DDX10: variants seen among roughly 807,000 people sequenced by gnomAD.
The protein encoded by DDX10 is DEAD-box helicase 10.
A neutral mutation model predicts 104.3 loss-of-function variants in DDX10; 74 were observed. The observed-to-expected ratio is 0.71, with a 90% confidence interval of 0.59 to 0.86. DDX10 has a LOEUF of 0.86. Among genes scored for constraint, DDX10 ranks in the 40% least tolerant of loss-of-function variants. The pLI, the probability that DDX10 is intolerant of heterozygous loss-of-function variation, is 0.00. For synonymous variants in DDX10, 351 were observed against 353.4 expected (o/e 0.99, Z 0.08); for missense variants, 952 against 1,040.0 (o/e 0.92, Z 1.16).
intron 13 of DDX10, among the ~76,000 whole-genome samples, chr11:108,779,548 G>A (rs2094375112): frequency 6.6e-6 from 1 of 152,078 alleles, no homozygotes. Context: ...GGTGGTGGGA[G>A]GGGGAAGGAT....
chr11:108,869,690 G>C (rs1194499399), intron 16 of DDX10, among the ~76,000 whole-genome samples: 8 of 151,912 alleles, frequency 5.3e-5, no homozygotes, highest in Non-Finnish European at 7.4e-5. Context: ...AAACTTTTAT[G>C]AGTCAGTATA....
chr11:108,906,559 C>T (rs1257630903), intron 16 of DDX10, among the ~76,000 whole-genome samples: 1 of 152,190 alleles, frequency 6.6e-6, no homozygotes, highest in African/African-American at 2.4e-5. Context: ...TAAGGACACA[C>T]AACTAGCCAT....
intron 2 of DDX10, among the ~76,000 whole-genome samples, chr11:108,674,804 A>G (rs1272171690): frequency 2.6e-5 from 4 of 152,164 alleles, no homozygotes; most frequent in African/African-American, 7.2e-5. Context: ...GTGAGCCACC[A>G]CGCCTGGCCT....
intron 10 of DDX10, among the ~76,000 whole-genome samples, chr11:108,707,620 G>A (rs762097285): frequency 6.6e-5 from 10 of 152,100 alleles, no homozygotes; most frequent in Non-Finnish European, 1.3e-4. Flanking sequence ...TAACCACATT[G>A]CCATAAAGGC....
chr11:108,759,027 G>T (rs2094347683), intron 13 of DDX10, among the ~76,000 whole-genome samples: 1 of 151,908 alleles, frequency 6.6e-6, no homozygotes, highest in African/African-American at 2.4e-5. Context: ...GTTAGCTTTT[G>T]TATCTATGCT....
At chr11:108,845,822 GT>G (rs1201014100) in intron 15 of DDX10, among the ~76,000 whole-genome samples, 8 of 152,230 alleles carry the variant, frequency 5.3e-5, no homozygotes, top group African/African-American at 1.9e-4. Flanking sequence ...TATTTAATAT[GT>G]AAGTGAATTT....
At chr11:108,813,845 T>C (rs1435653026) in intron 13 of DDX10, among the ~76,000 whole-genome samples, 1 of 152,222 alleles carries the variant, frequency 6.6e-6, no homozygotes, top group East Asian at 1.9e-4. Context: ...ATTTAACCTG[T>C]CACCTTTATC....
intron 1 of DDX10, among the ~76,000 whole-genome samples, chr11:108,671,736 T>C (rs1272088419): frequency 6.6e-6 from 1 of 152,200 alleles, no homozygotes; most frequent in East Asian, 1.9e-4. Flanking sequence ...TGCTGGGCCC[T>C]ATTTTAGAAC....
chr11:108,871,132 CA>C (rs1308133085), intron 16 of DDX10, among the ~76,000 whole-genome samples: 5 of 152,050 alleles, frequency 3.3e-5, no homozygotes, highest in African/African-American at 9.7e-5. Context: ...TGTCCAAGTT[CA>C]TATGTAAACT....
At chr11:108,776,303 G>T (rs751122896) in intron 13 of DDX10, among the ~76,000 whole-genome samples, 1 of 152,108 alleles carries the variant, frequency 6.6e-6, no homozygotes, top group Non-Finnish European at 1.5e-5. Context: ...CCACTTGCAC[G>T]TGCATTTCAG....
intron 13 of DDX10, among the ~76,000 whole-genome samples, chr11:108,753,989 T>TGAATCCAA (rs1565268342): frequency 6.6e-6 from 1 of 151,996 alleles, no homozygotes; most frequent in African/African-American, 2.4e-5. Context: ...TTTAAAAAAG[T>TGAATCCAA]GAATCCAAGA....
intron 7 of DDX10, 91 bp downstream of exon 7, chr11:108,689,153 A>G: frequency 1.5e-6 from 2 of 1,362,336 alleles, no homozygotes; most frequent in Non-Finnish European, 2.1e-6. Context: ...ATTGTACGAG[A>G]AGTACAGTGC....
At chr11:108,887,959 T>TCC (rs79322968) in intron 16 of DDX10, among the ~76,000 whole-genome samples, 68,229 of 151,390 alleles carry the variant, frequency 0.45, 18,531 homozygotes, top group Non-Finnish European at 0.6. Context: ...ACAGCTTTTT[T>TCC]CCCCCCCACT....
intron 16 of DDX10, among the ~76,000 whole-genome samples, chr11:108,884,012 G>T (rs1284595800): frequency 2.0e-5 from 3 of 152,012 alleles, no homozygotes; most frequent in African/African-American, 7.2e-5. Flanking sequence ...CTTGCTCCTG[G>T]ATGATCTCAT....
Position 108,675,641 on chromosome 11 carries a change from A to G in DDX10, c.293A>G (p.Gln98Arg), listed in dbSNP as rs1404056178. ...CGTTTGGTGACTGAGATACAGAAGC[A>G]GACCATTGGATTGGCTTTGCAAGGT... Reference protein sequence around the residue: ...QYRLVTEIQKQTIGLALQGKD... With the variant: ...QYRLVTEIQKRTIGLALQGKD... The change falls in exon 3 of 18, where the codon CAG (glutamine) becomes CGG (arginine). Residue 98 changes from glutamine to arginine, a missense_variant. Coordinates refer to ENST00000322536, the MANE Select transcript of DDX10 (RefSeq NM_004398.4). 5.0e-6 allele frequency: 8 copies of G among 1,614,200 alleles called. No individual in the cohort carries two copies. Among genetic ancestry groups the G allele is most frequent in the Non-Finnish European group, 6.8e-6 (8 of 1,180,022 alleles).
chr11:108,933,611 G>C (rs554722929), intron 17 of DDX10, among the ~76,000 whole-genome samples: 2 of 152,130 alleles, frequency 1.3e-5, no homozygotes, highest in African/African-American at 4.8e-5. Flanking sequence ...GAAGTTATTG[G>C]GTACTTCTTT....
chr11:108,937,332 G>C (rs1265959874), intron 17 of DDX10, among the ~76,000 whole-genome samples: 1 of 152,100 alleles, frequency 6.6e-6, no homozygotes, highest in East Asian at 1.9e-4. Context: ...ACAAGTATCT[G>C]AAAAAATTAA....
At chr11:108,894,266 A>G (rs1863412766) in intron 16 of DDX10, among the ~76,000 whole-genome samples, 1 of 152,056 alleles carries the variant, frequency 6.6e-6, no homozygotes, top group East Asian at 1.9e-4. Flanking sequence ...TAATAGTGCA[A>G]TTGAAATACC....
At chr11:108,920,558 T>C (rs1863810271) in intron 17 of DDX10, 1 of 152,214 alleles carries the variant, frequency 6.6e-6, no homozygotes, top group Admixed American at 6.5e-5. Flanking sequence ...ACCAAGGCTT[T>C]AAAGGCTAAA....
Sources: allele counts gnomAD v4.1 joint callset (sites outside exome capture counted in the v4.1 genomes callset), GRCh38; gene constraint gnomAD v4.1.1; transcripts MANE v1.5; gene names NCBI Gene and HGNC (gene_info 2026-07-23, HGNC 2026-07-21).